FAM118B: variants seen among roughly 807,000 people sequenced by gnomAD.
FAM118B encodes the protein SIR2 antiphage like 1.
FAM118B carries 24 observed loss-of-function variants against 38.5 expected under a neutral mutation model. That is an observed-to-expected ratio of 0.62 (90% confidence interval 0.45 to 0.88). The LOEUF (loss-of-function observed/expected upper bound fraction) is 0.88, where lower values mean the gene tolerates loss of function less well. Among genes scored for constraint, FAM118B ranks in the 40% least tolerant of loss-of-function variants. FAM118B has a pLI of 0.00. For synonymous variants in FAM118B, 138 were observed against 156.3 expected (o/e 0.88, Z 0.87); for missense variants, 334 against 420.0 (o/e 0.80, Z 1.79).
At position 126,252,150 on chromosome 11, in the gene FAM118B, C is replaced by T. The variant is rs1591525071; in HGVS notation, c.567+1417C>T. On this transcript the variant is annotated intron_variant, in intron 5 of 8. Transcript: ENST00000533050. This position sits in a 1 kb window ranked among gnomAD's most constrained non-coding sequence, Gnocchi z 4.7. ...TACAGGCACCCGCCATCACGTCTGGCTAATTTTTGTATTTTCAGTAGAGAC... is the reference window on the plus strand; with the variant it reads ...TACAGGCACCCGCCATCACGTCTGGTTAATTTTTGTATTTTCAGTAGAGAC... Among the ~76,000 whole-genome samples, 1 of 151,882 alleles carries T rather than the reference C, an allele frequency of 6.6e-6. No individual in the cohort carries two copies. The highest frequency in any genetic ancestry group is 1.9e-4 in the East Asian group (1 of 5,140).
chr11:126,249,479 TCC>T (rs76680674), intron 4 of FAM118B, among the ~76,000 whole-genome samples: 7,749 of 144,780 alleles, frequency 0.054, 343 homozygotes, highest in East Asian at 0.17. Flanking sequence ...ACACCTGTAA[TCC>T]CAGCACTTTG....
chr11:126,255,413 T>C lies in FAM118B; in HGVS notation c.696+980T>C, dbSNP rs1268813937. Among the ~76,000 whole-genome samples, 1 of 152,192 alleles carries C rather than the reference T, an allele frequency of 6.6e-6. No homozygotes were observed. The highest frequency in any genetic ancestry group is 6.5e-5 in the Admixed American group (1 of 15,274). On this transcript the variant is annotated intron_variant, in intron 6 of 8. Transcript: ENST00000533050. This position sits in a 1 kb window ranked among gnomAD's most constrained non-coding sequence, Gnocchi z 4.6. ...TTTTTACCCATTCTTTCCCAACATC[T>C]GCCATAACTGCATCCATCTCTGACA...
intron 2 of FAM118B, among the ~76,000 whole-genome samples, chr11:126,233,292 A>G (rs1950230773): frequency 2.0e-5 from 3 of 152,254 alleles, no homozygotes; most frequent in South Asian, 4.1e-4. Flanking sequence ...CCTGATCAAC[A>G]TGAAGAAATT....
chr11:126,254,184 A>T lies in FAM118B; in HGVS notation c.568-121A>T, dbSNP rs186452683. 43 of 1,224,004 alleles carry T rather than the reference A, an allele frequency of 3.5e-5. No individual in the cohort carries two copies. In the African/African-American group the frequency reaches 5.3e-4, roughly 15 times the overall value. 75.8% of individuals were successfully genotyped at this position (1,224,004 alleles called of 1,614,324 possible). A position where few individuals can be genotyped will look rare whatever the true frequency, so the allele number is the denominator to read the frequency against. ...ATCAGGTTTTGCATTCTTGTCCTAT[A>T]TCATGAAGCTAGAGAGTTTATGTCA... is the stretch of plus-strand genomic sequence containing the variant. On this transcript the variant is annotated intron_variant, in intron 5 of 8. Coordinates refer to ENST00000533050, the MANE Select transcript of FAM118B (RefSeq NM_024556.4).
chr11:126,256,913 A>G lies in FAM118B; in HGVS notation c.982+61A>G. ...ACAACAGCTCTTCAGCCTTTTGTGTATTTGTGATGTGATGGGCAAAATAGT... is the reference window on the plus strand; with the variant it reads ...ACAACAGCTCTTCAGCCTTTTGTGTGTTTGTGATGTGATGGGCAAAATAGT... On this transcript the variant is annotated intron_variant, in intron 7 of 8. Coordinates refer to ENST00000533050, the MANE Select transcript of FAM118B (RefSeq NM_024556.4). This position sits in a 1 kb window ranked among gnomAD's most constrained non-coding sequence, Gnocchi z 6.6. 6.7e-7 allele frequency: 1 copy of G among 1,503,502 alleles called. No homozygotes were observed. Among genetic ancestry groups the G allele is most frequent in the Non-Finnish European group, 9.0e-7 (1 of 1,110,990 alleles). 93.1% of individuals were successfully genotyped at this position (1,503,502 alleles called of 1,614,324 possible).
chr11:126,247,345 A>C (rs1223353110), intron 4 of FAM118B, among the ~76,000 whole-genome samples: 3 of 152,212 alleles, frequency 2.0e-5, no homozygotes, highest in Non-Finnish European at 4.4e-5. Flanking sequence ...GCAGTTGCAG[A>C]ATCATATTTC....
At chr11:126,234,137 A>G (rs1591511423) in intron 2 of FAM118B, among the ~76,000 whole-genome samples, 1 of 152,234 alleles carries the variant, frequency 6.6e-6, no homozygotes, top group East Asian at 1.9e-4. Flanking sequence ...AGTAATTATT[A>G]GTAATTCAGT....
At chr11:126,247,832 T>G (rs1024420943) in intron 4 of FAM118B, among the ~76,000 whole-genome samples, 1 of 148,446 alleles carries the variant, frequency 6.7e-6, no homozygotes, top group African/African-American at 2.5e-5. Context: ...CACTCCAGCC[T>G]GGGTGACAGA....
rs1412123839 is a variant in FAM118B, at chr11:126,252,402, C to T, written c.567+1669C>T. Among the ~76,000 whole-genome samples the T allele has an allele frequency of 6.6e-6, 1 of 152,166 alleles. No individual in the cohort carries two copies. Among genetic ancestry groups the T allele is most frequent in the Non-Finnish European group, 1.5e-5 (1 of 68,038 alleles). On this transcript the variant is annotated intron_variant, in intron 5 of 8. Coordinates refer to ENST00000533050, the MANE Select transcript of FAM118B (RefSeq NM_024556.4). This position sits in a 1 kb window ranked among gnomAD's most constrained non-coding sequence, Gnocchi z 4.7. Reference sequence around the variant, plus strand: ...TTACCCTCATAACTCAAATACAACCCTCATGTCTCAAATATGACAGTTAGG... The same window carrying T: ...TTACCCTCATAACTCAAATACAACCTTCATGTCTCAAATATGACAGTTAGG...
chr11:126,231,320 A>AC (rs369464329), intron 2 of FAM118B, among the ~76,000 whole-genome samples: 89 of 152,324 alleles, frequency 5.8e-4, no homozygotes, highest in African/African-American at 2.1e-3. Context: ...GAAAACTCAA[A>AC]CGTGATCACA....
Position 126,254,423 on chromosome 11 carries a change from C to G in FAM118B, c.686C>G (p.Thr229Ser), listed in dbSNP as rs1014120076. The G allele has an allele frequency of 6.2e-7, 1 of 1,614,174 alleles. No homozygotes were observed. Among genetic ancestry groups the G allele is most frequent in the Non-Finnish European group, 8.5e-7 (1 of 1,180,004 alleles). Residue 229 changes from threonine (T) to serine (S), a missense_variant, in exon 6 of 9, where the codon ACT (threonine) becomes AGT (serine). Transcript: ENST00000533050. ...GGATATCAGAACGTGCTCAGGAACA[C>G]TGAAGTCATGGTGAGTGGGGCTGAT... ...PAGYQNVLRN[T>S]EVMREIQKLY...
In FAM118B at chr11:126,261,347, T is replaced by C. The variant is rs7109286; in HGVS notation, c.983-78T>C. 0.028 allele frequency: 33,288 copies of C among 1,181,596 alleles called. 3,230 individuals are homozygous for C. The African/African-American group carries it at 0.3, about 11-fold the overall frequency. 73.2% of individuals were successfully genotyped at this position (1,181,596 alleles called of 1,614,324 possible). A position where few individuals can be genotyped will look rare whatever the true frequency, so the allele number is the denominator to read the frequency against. ...TTTTCAGTCGTACCATATGTCCTCA[T>C]CTCCCTTTAGTTTTCTTTTTGCTAT... On this transcript the variant is annotated intron_variant, in intron 7 of 8. Transcript: ENST00000533050.
intron 1 of FAM118B, among the ~76,000 whole-genome samples, chr11:126,221,330 C>T (rs1335314830): frequency 6.6e-6 from 1 of 152,070 alleles, no homozygotes; most frequent in South Asian, 2.1e-4. Flanking sequence ...TAGAAATGAT[C>T]CAAATACATT....
Position 126,252,112 on chromosome 11 carries a change from G to A in FAM118B, c.567+1379G>A, listed in dbSNP as rs1344976059. Among the ~76,000 whole-genome samples the A allele has an allele frequency of 5.9e-5, 9 of 151,850 alleles. No individual in the cohort carries two copies. Among genetic ancestry groups the A allele is most frequent in the Admixed American group, 4.6e-4 (7 of 15,208 alleles). On this transcript the variant is annotated intron_variant, in intron 5 of 8. Transcript: ENST00000533050. The surrounding 1 kb of genome is among the most constrained non-coding windows in gnomAD (Gnocchi z 4.7). ...AGCGATTCTCCTGCCTCAGCGTCCC[G>A]AATAGCTGGGATTACAGGCACCCGC... is the stretch of plus-strand genomic sequence containing the variant.
chr11:126,254,171 A>G, intron 5 of FAM118B, 134 bp from the exon 6 acceptor site: 1 of 1,078,356 alleles, frequency 9.3e-7, no homozygotes, highest in Non-Finnish European at 1.3e-6. Context: ...CAGGTTTTGC[A>G]TTCTTGTCCT....
At chr11:126,237,321 A>G (rs766183008) in intron 3 of FAM118B, among the ~76,000 whole-genome samples, 22 of 138,260 alleles carry the variant, frequency 1.6e-4, no homozygotes, top group Non-Finnish European at 2.6e-4. Context: ...CCCGGGTTCA[A>G]GCAATTCTCC....
chr11:126,212,417 GT>G (rs1173882672), intron 1 of FAM118B, among the ~76,000 whole-genome samples: 1 of 152,098 alleles, frequency 6.6e-6, no homozygotes. Context: ...CCTCTCCATA[GT>G]TTGCAACCAC....
rs1159871678 is a variant in FAM118B at position 126,244,690 on chromosome 11, G to C, written c.339+3646G>C. On this transcript the variant is annotated intron_variant, in intron 4 of 8. Transcript: ENST00000533050. This position sits in a 1 kb window ranked among gnomAD's most constrained non-coding sequence, Gnocchi z 4.5. The stretch of plus-strand genomic sequence containing the variant: ...ATGATGGCGGGTGCCTATAATCCCA[G>C]CTACTCGGGAGGTGGAGGCAGGAGA... Among the ~76,000 whole-genome samples the C allele has an allele frequency of 1.3e-5, 2 of 152,132 alleles. No homozygotes were observed. Among genetic ancestry groups the C allele is most frequent in the Non-Finnish European group, 2.9e-5 (2 of 68,036 alleles).
chr11:126,234,492 T>TCA (rs1387017956), intron 2 of FAM118B, among the ~76,000 whole-genome samples: 2 of 152,234 alleles, frequency 1.3e-5, no homozygotes, highest in Non-Finnish European at 2.9e-5. Flanking sequence ...GTCACCATCG[T>TCA]CCAACAACAG....
Sources: allele counts gnomAD v4.1 joint callset (sites outside exome capture counted in the v4.1 genomes callset), GRCh38; gene constraint gnomAD v4.1.1; non-coding constraint Gnocchi (gnomAD v3.1); transcripts MANE v1.5; gene names NCBI Gene and HGNC (gene_info 2026-07-23, HGNC 2026-07-21).